Variants in CHN1 observed in about 807,000 individuals in gnomAD.
The protein encoded by CHN1 is chimerin 1.
CHN1 carries 37 observed loss-of-function variants against 59.5 expected under a neutral mutation model. The observed-to-expected ratio is 0.62, with a 90% CI of 0.48 to 0.82. The LOEUF is 0.82. CHN1 is among the 40% of genes least tolerant of loss of function. The probability of loss-of-function intolerance (pLI) is 0.00; values close to 1 mark genes in which losing one functional copy is unlikely to be tolerated. For synonymous variants in CHN1, 206 were observed against 200.4 expected (o/e 1.03, Z -0.24); for missense variants, 469 against 571.0 (o/e 0.82, Z 1.82).
At chr2:174,959,644 G>C (rs1376582836) in intron 1 of CHN1, among the ~76,000 whole-genome samples, 1 of 152,180 alleles carries the variant, frequency 6.6e-6, no homozygotes, top group African/African-American at 2.4e-5. Flanking sequence ...CTGGCAAGAA[G>C]AGGCAGAGAC....
At chr2:174,924,187 G>T (rs1689100307) in intron 3 of CHN1, among the ~76,000 whole-genome samples, 1 of 152,020 alleles carries the variant, frequency 6.6e-6, no homozygotes, top group African/African-American at 2.4e-5. Context: ...ATTTACATTT[G>T]TAAAGAAAAT....
intron 7 of CHN1, among the ~76,000 whole-genome samples, chr2:174,840,318 T>C (rs1686251078): frequency 6.6e-6 from 1 of 151,640 alleles, no homozygotes; most frequent in Admixed American, 6.6e-5. Flanking sequence ...GTGCACAATA[T>C]CATACCCAGC....
At chr2:175,003,142 C>T (rs932473909) in intron 1 of CHN1, among the ~76,000 whole-genome samples, 3 of 152,168 alleles carry the variant, frequency 2.0e-5, no homozygotes, top group Non-Finnish European at 4.4e-5. Context: ...TGGTGTACAA[C>T]CACTTTTAAA....
intron 5 of CHN1, among the ~76,000 whole-genome samples, chr2:174,905,316 TTTATGTACAAGTTTC>T (rs1163180565): frequency 1.3e-5 from 2 of 152,196 alleles, no homozygotes; most frequent in African/African-American, 4.8e-5. Context: ...AGTCATCCTC[TTTATGTACAAGTTTC>T]TATTAGCCCC....
chr2:174,989,695 T>C (rs1288462418), intron 1 of CHN1, among the ~76,000 whole-genome samples: 1 of 151,318 alleles, frequency 6.6e-6, no homozygotes, highest in Non-Finnish European at 1.5e-5. Flanking sequence ...GAGGCTGAGG[T>C]GGGAGGATCG....
chr2:174,835,089 T>C (rs1485496220), intron 7 of CHN1, among the ~76,000 whole-genome samples: 1 of 152,148 alleles, frequency 6.6e-6, no homozygotes, highest in East Asian at 1.9e-4. Context: ...ATATCATAAG[T>C]TGAGAGTGGG....
chr2:174,966,924 T>C (rs979211666), intron 1 of CHN1, among the ~76,000 whole-genome samples: 1 of 152,136 alleles, frequency 6.6e-6, no homozygotes, highest in African/African-American at 2.4e-5. Context: ...TGGATTTTGT[T>C]GGGTACATTT....
At chr2:174,999,749 G>C (rs1419831231) in intron 1 of CHN1, among the ~76,000 whole-genome samples, 1 of 152,102 alleles carries the variant, frequency 6.6e-6, no homozygotes, top group Non-Finnish European at 1.5e-5. Context: ...GTATATCTCT[G>C]GTATTAAATT....
chr2:174,931,951 A>G (rs1018874449), intron 3 of CHN1, among the ~76,000 whole-genome samples: 1 of 152,166 alleles, frequency 6.6e-6, no homozygotes, highest in Non-Finnish European at 1.5e-5. Flanking sequence ...GGAAGCAGTA[A>G]GAGATGAGTT....
At chr2:174,807,952 C>A (rs577398320) in intron 11 of CHN1, among the ~76,000 whole-genome samples, 20 of 152,254 alleles carry the variant, frequency 1.3e-4, no homozygotes, top group African/African-American at 4.6e-4. Flanking sequence ...TCCAAAAAAA[C>A]CAGTAATGCT....
At chr2:174,885,105 G>A (rs1687854590) in intron 5 of CHN1, among the ~76,000 whole-genome samples, 1 of 151,090 alleles carries the variant, frequency 6.6e-6, no homozygotes, top group African/African-American at 2.4e-5. Flanking sequence ...GGCTAACATG[G>A]TGAAACCCCA....
At chr2:174,992,839 T>C (rs1691586711) in intron 1 of CHN1, among the ~76,000 whole-genome samples, 2 of 152,034 alleles carry the variant, frequency 1.3e-5, no homozygotes, top group Non-Finnish European at 2.9e-5. Flanking sequence ...TCTGACTCTG[T>C]CACCCAGGCT....
chr2:174,930,314 AGAG>A (rs577862878), intron 3 of CHN1, among the ~76,000 whole-genome samples: 20 of 152,364 alleles, frequency 1.3e-4, no homozygotes, highest in Admixed American at 5.2e-4. Flanking sequence ...TGATTATTGC[AGAG>A]AAGAGGACAG....
chr2:174,831,303 C>T (rs1162832608), intron 7 of CHN1, among the ~76,000 whole-genome samples: 3 of 152,162 alleles, frequency 2.0e-5, no homozygotes, highest in Non-Finnish European at 4.4e-5. Flanking sequence ...TTCCCAATCA[C>T]CGCTATGTTT....
At chr2:174,900,729 C>T (rs1382958813) in intron 5 of CHN1, among the ~76,000 whole-genome samples, 1 of 151,724 alleles carries the variant, frequency 6.6e-6, no homozygotes, top group Admixed American at 6.6e-5. Flanking sequence ...CGCTTGAACC[C>T]AGGAAGCAGA....
intron 8 of CHN1, among the ~76,000 whole-genome samples, chr2:174,822,306 TA>T (rs1685525016): frequency 6.6e-6 from 1 of 152,184 alleles, no homozygotes; most frequent in South Asian, 2.1e-4. Flanking sequence ...TAGAGGCTAT[TA>T]ATGTGGGTGG....
chr2:174,950,574 C>A (rs1487967952), intron 2 of CHN1, among the ~76,000 whole-genome samples: 2 of 151,790 alleles, frequency 1.3e-5, no homozygotes, highest in Non-Finnish European at 2.9e-5. Context: ...ATAGCTACTG[C>A]AAGACATGCG....
At chr2:174,865,356 C>A (rs768301323) in intron 6 of CHN1, among the ~76,000 whole-genome samples, 1 of 152,090 alleles carries the variant, frequency 6.6e-6, no homozygotes, top group Non-Finnish European at 1.5e-5. Flanking sequence ...AACATTAAGT[C>A]TCTACAATGA....
intron 3 of CHN1, among the ~76,000 whole-genome samples, chr2:174,933,464 C>T (rs1457320621): frequency 6.6e-6 from 1 of 151,888 alleles, no homozygotes; most frequent in Non-Finnish European, 1.5e-5. Flanking sequence ...GTATCAGATG[C>T]TCCTAATGGG....
Sources: allele counts gnomAD v4.1 joint callset (sites outside exome capture counted in the v4.1 genomes callset), GRCh38; gene constraint gnomAD v4.1.1; transcripts MANE v1.5; gene names NCBI Gene and HGNC (gene_info 2026-07-23, HGNC 2026-07-21).